The following CLDN16 variants were observed in gnomAD, a reference collection of about 807,000 sequenced individuals.
The protein encoded by CLDN16 is claudin-16.
Under a neutral mutation model 24.6 loss-of-function variants are expected in CLDN16, and 13 were observed. That is an observed-to-expected ratio of 0.53 (90% CI 0.34 to 0.84). The LOEUF is 0.84. Ranked by LOEUF, CLDN16 falls within the 40% of genes least tolerant of loss-of-function variation. CLDN16 has a pLI of 0.01. For synonymous variants in CLDN16, 116 were observed against 106.7 expected (o/e 1.09, Z -0.54); for missense variants, 298 against 292.7 (o/e 1.02, Z -0.13).
chr3:190,372,477 C>G (rs1025108768), intron 2 of CLDN16, among the ~76,000 whole-genome samples: 1 of 151,712 alleles, frequency 6.6e-6, no homozygotes, highest in African/African-American at 2.4e-5. Context: ...ACCCCCTTCC[C>G]CCCCAAAATA....
intron 1 of CLDN16, among the ~76,000 whole-genome samples, chr3:190,359,490 A>G (rs765984406): frequency 2.6e-5 from 4 of 152,046 alleles, no homozygotes; most frequent in African/African-American, 7.2e-5. Flanking sequence ...AATGAATATA[A>G]TGCTTCATTT....
chr3:190,398,740 G>A (rs1043503166), intron 1 of CLDN16, among the ~76,000 whole-genome samples: 1 of 152,020 alleles, frequency 6.6e-6, no homozygotes, highest in Non-Finnish European at 1.5e-5. Context: ...CATTTATATT[G>A]CGTGTGTATT....
At chr3:190,300,918 A>G in the CLDN16 span, among the ~76,000 whole-genome samples, 1 of 152,226 alleles carries the variant, frequency 6.6e-6, no homozygotes, top group African/African-American at 2.4e-5. Flanking sequence ...TCTCACAGTG[A>G]AAAAAAGAAT....
intron 1 of CLDN16, among the ~76,000 whole-genome samples, chr3:190,340,839 A>T (rs369410007): frequency 0.039 from 5,963 of 152,276 alleles, 391 homozygotes; most frequent in African/African-American, 0.13. Context: ...GGAATTGGGT[A>T]AATATAGCCA....
chr3:190,350,871 A>G (rs1435239099), intron 1 of CLDN16, among the ~76,000 whole-genome samples: 2 of 152,188 alleles, frequency 1.3e-5, no homozygotes, highest in African/African-American at 4.8e-5. Context: ...GTCTATAGAC[A>G]ATCTTTCCTC....
At chr3:190,304,980 G>T in the CLDN16 span, among the ~76,000 whole-genome samples, 1 of 152,134 alleles carries the variant, frequency 6.6e-6, no homozygotes, top group Non-Finnish European at 1.5e-5. Flanking sequence ...TTATTTTCAG[G>T]AGCACCAAGA....
At chr3:190,380,240 C>CCCTTCCTTCCTTCCTTCCTTCCTT (rs1553806970) in intron 3 of CLDN16, among the ~76,000 whole-genome samples, 1 of 47,888 alleles carries the variant, frequency 2.1e-5, no homozygotes, top group African/African-American at 1.0e-4. Context: ...TTCCTTCCCT[C>CCCTTCCTTCCTTCCTTCCTTCCTT]CCTTCCTTCC....
intron 1 of CLDN16, among the ~76,000 whole-genome samples, chr3:190,344,733 T>C (rs1003699103): frequency 2.0e-5 from 3 of 151,010 alleles, no homozygotes; most frequent in African/African-American, 7.3e-5. Context: ...CAGATAATCA[T>C]GTGATTAGGT....
At chr3:190,406,128 T>G (rs1169255211) in intron 3 of CLDN16, among the ~76,000 whole-genome samples, 2 of 152,198 alleles carry the variant, frequency 1.3e-5, no homozygotes, top group African/African-American at 4.8e-5. Flanking sequence ...TAGCCTGAAT[T>G]GCTATGGTGA....
upstream of CLDN16, among the ~76,000 whole-genome samples, chr3:190,384,918 T>G (rs193097224): frequency 1.6e-3 from 240 of 152,322 alleles, no homozygotes; most frequent in African/African-American, 5.6e-3. Flanking sequence ...TCTTCATGTT[T>G]ATAATAAATT....
Position 190,408,466 on chromosome 3 carries a change from G to T in CLDN16, c.535G>T (p.Ala179Ser). 1 of 1,614,010 alleles carries T rather than the reference G, an allele frequency of 6.2e-7. No individual in the cohort carries two copies. Among genetic ancestry groups the T allele is most frequent in the Non-Finnish European group, 8.5e-7 (1 of 1,180,008 alleles). Residue 179 changes from alanine (A) to serine (S), a missense_variant, in exon 4 of 5, where the codon GCT becomes TCT. Physicochemically the swap from Ala to Ser is moderately conservative, Grantham distance 99. Transcript: ENST00000264734. ...GMAGSLGCFL[A>S]GAVLTCCLYL... The stretch of plus-strand genomic sequence containing the variant: ...GGCTGGGTCTCTGGGTTGCTTTTTG[G>T]CTGGAGCTGTTCTCACCTGCTGCTT...
intron 1 of CLDN16, among the ~76,000 whole-genome samples, chr3:190,353,031 G>C (rs149510537): frequency 4.0e-5 from 6 of 151,782 alleles, no homozygotes; most frequent in Admixed American, 3.9e-4. Context: ...AATAAAATAC[G>C]CAACCAATAG....
chr3:190,310,315 C>T, the CLDN16 span: 1 of 1,242,010 alleles, frequency 8.1e-7, no homozygotes, highest in South Asian at 1.2e-5. Flanking sequence ...AAATACACAA[C>T]CTGTTAAACC....
chr3:190,322,164 A>G (rs1186123349), upstream of CLDN16: 2 of 1,614,162 alleles, frequency 1.2e-6, no homozygotes, highest in Non-Finnish European at 1.7e-6. Context: ...CATCCCAGGA[A>G]GGCGAGAATG....
intron 1 of CLDN16, among the ~76,000 whole-genome samples, chr3:190,340,135 A>G (rs538667329): frequency 6.6e-6 from 1 of 152,356 alleles, no homozygotes; most frequent in South Asian, 2.1e-4. Context: ...AAAAACTTCT[A>G]ACACTTTAGG....
chr3:190,347,834 A>C (rs990683219), intron 1 of CLDN16, among the ~76,000 whole-genome samples: 5 of 152,084 alleles, frequency 3.3e-5, no homozygotes, highest in African/African-American at 4.8e-5. Context: ...CAGGGATCTA[A>C]GTGCACAAAA....
At chr3:190,397,447 A>G (rs182152468) in intron 1 of CLDN16, among the ~76,000 whole-genome samples, 3 of 152,192 alleles carry the variant, frequency 2.0e-5, no homozygotes, top group African/African-American at 7.2e-5. Context: ...GATATTTGAA[A>G]CATCAGTCTG....
At position 190,345,734 on chromosome 3, in the gene CLDN16, A is replaced by T. The variant is rs1717537433; in HGVS notation, n.121+23073A>T. On this transcript the variant is annotated intron_variant and non_coding_transcript_variant, in intron 1 of 4. Transcript: ENST00000468220. ...AGTTATTCATTCGTGAAATACAGGA[A>T]GAGGCTAAAATAAACACACTTTGGC... Among the ~76,000 whole-genome samples, 3 of 152,154 alleles carry T rather than the reference A, an allele frequency of 2.0e-5. No individual in the cohort carries two copies. In the South Asian group the frequency reaches 6.2e-4, roughly 32 times the overall value.
chr3:190,382,503 C>T (rs113654787), intron 3 of CLDN16, among the ~76,000 whole-genome samples: 35 of 152,236 alleles, frequency 2.3e-4, no homozygotes, highest in African/African-American at 8.4e-4. Flanking sequence ...CAATTATTCC[C>T]ATCATGAACT....
Sources: gnomAD v4.1 joint callset for allele counts (sites outside exome capture counted in the v4.1 genomes callset) on GRCh38, gnomAD v4.1.1 for gene constraint, MANE v1.5 for transcripts, NCBI Gene and HGNC (gene_info 2026-07-23, HGNC 2026-07-21) for gene names.